C1orf87: variants seen among roughly 807,000 people sequenced by gnomAD.
C1orf87 encodes uncharacterized protein C1orf87.
Under a neutral mutation model 60.5 loss-of-function variants are expected in C1orf87, and 58 were observed. That is an observed-to-expected ratio of 0.96 (90% CI 0.78 to 1.19). The LOEUF is 1.19. Ranked by LOEUF, C1orf87 falls within the 50% of genes most tolerant of loss-of-function variation. C1orf87 has a pLI of 0.00. For synonymous variants in C1orf87, 236 were observed against 227.4 expected (o/e 1.04, Z -0.34); for missense variants, 673 against 638.6 (o/e 1.05, Z -0.58).
intron 2 of C1orf87, 122 bp from the exon 3 acceptor site, chr1:60,055,560 G>A: frequency 2.7e-6 from 2 of 747,692 alleles, no homozygotes; most frequent in Non-Finnish European, 4.4e-6. Flanking sequence ...AGTGGAATGT[G>A]GAAGCATAAA....
chr1:60,063,678 A>T (rs1365740274), intron 2 of C1orf87, among the ~76,000 whole-genome samples: 3 of 152,106 alleles, frequency 2.0e-5, no homozygotes, highest in African/African-American at 7.2e-5. Flanking sequence ...CTTTCATCAG[A>T]TATTTACATG....
chr1:60,041,110 G>A lies in C1orf87; in HGVS notation c.364C>T (p.His122Tyr). Residue 122 changes from histidine to tyrosine, a missense_variant, in exon 4 of 12, where the codon CAC (histidine) becomes TAC (tyrosine). By Grantham distance (83) the His-to-Tyr change is moderately conservative. Transcript: ENST00000371201. ...DGNIPSQANV[H>Y]CSSVPTGDQS... Reference sequence around the variant, plus strand: ...TCTCCGGTTGGTACAGAGCTGCAGTGGACATTTGCTTGACTGGGAATCTTA... The same window carrying A: ...TCTCCGGTTGGTACAGAGCTGCAGTAGACATTTGCTTGACTGGGAATCTTA... 1 of 1,586,384 alleles carries A rather than the reference G, an allele frequency of 6.3e-7. No homozygotes were observed. The highest frequency in any genetic ancestry group is 1.7e-4 in the Middle Eastern group (1 of 5,968).
At chr1:60,029,068 C>G (rs1488718577) in intron 7 of C1orf87, among the ~76,000 whole-genome samples, 2 of 152,184 alleles carry the variant, frequency 1.3e-5, no homozygotes, top group Admixed American at 6.5e-5. Flanking sequence ...GTGTTCAAAA[C>G]TGAACTCATC....
At chr1:60,054,579 A>T (rs1235424426) in intron 3 of C1orf87, among the ~76,000 whole-genome samples, 2 of 152,220 alleles carry the variant, frequency 1.3e-5, no homozygotes, top group African/African-American at 4.8e-5. Flanking sequence ...CAATTTCAGC[A>T]ATTTTGGAAA....
At chr1:60,016,330 A>G (rs1645124103) in intron 8 of C1orf87, among the ~76,000 whole-genome samples, 2 of 152,196 alleles carry the variant, frequency 1.3e-5, no homozygotes, top group African/African-American at 2.4e-5. Context: ...TGGATGTATT[A>G]GGTGCATATG....
At chr1:60,049,462 CT>C (rs1177149394) in intron 3 of C1orf87, among the ~76,000 whole-genome samples, 3 of 151,982 alleles carry the variant, frequency 2.0e-5, no homozygotes, top group African/African-American at 7.2e-5. Flanking sequence ...CCTTTTTCTT[CT>C]CTATTTTAAG....
chr1:60,065,949 G>C (rs888101869), intron 2 of C1orf87, among the ~76,000 whole-genome samples: 1 of 152,004 alleles, frequency 6.6e-6, no homozygotes, highest in Non-Finnish European at 1.5e-5. Flanking sequence ...TGGTTTCATG[G>C]TGCACATAAA....
chr1:60,028,320 G>C (rs1311927035), intron 7 of C1orf87, among the ~76,000 whole-genome samples: 1 of 152,182 alleles, frequency 6.6e-6, no homozygotes, highest in Non-Finnish European at 1.5e-5. Context: ...CAGCATATTA[G>C]AAATAGTACA....
chr1:60,064,706 C>T (rs2407792), intron 2 of C1orf87, among the ~76,000 whole-genome samples: 84,819 of 97,664 alleles, frequency 0.87, 36,888 homozygotes, highest in African/African-American at 0.92. Flanking sequence ...TATATTATTT[C>T]AATATATATA....
At chr1:60,015,623 G>T (rs1645119575) in intron 8 of C1orf87, among the ~76,000 whole-genome samples, 1 of 152,154 alleles carries the variant, frequency 6.6e-6, no homozygotes, top group Non-Finnish European at 1.5e-5. Context: ...TCTGTGCATG[G>T]TCTTTCCTCT....
At chr1:60,060,771 A>T (rs1042475699) in intron 2 of C1orf87, among the ~76,000 whole-genome samples, 3 of 152,172 alleles carry the variant, frequency 2.0e-5, no homozygotes, top group African/African-American at 7.2e-5. Context: ...GATTAAAAAA[A>T]AACAACCCAA....
At chr1:60,053,473 G>A (rs1445622251) in intron 3 of C1orf87, among the ~76,000 whole-genome samples, 1 of 152,116 alleles carries the variant, frequency 6.6e-6, no homozygotes, top group Non-Finnish European at 1.5e-5. Context: ...ATACTGCCTG[G>A]CACATAGTAA....
rs75344977 is a variant in C1orf87 at position 60,014,015 on chromosome 1, A to G, written c.1128-3559T>C. Among the ~76,000 whole-genome samples the G allele has an allele frequency of 6.0e-3, 912 of 152,226 alleles. 6 individuals carry two copies. Among genetic ancestry groups the G allele is most frequent in the African/African-American group, 0.02 (851 of 41,540 alleles). On this transcript the variant is annotated intron_variant, in intron 8 of 11. Coordinates refer to ENST00000371201, the MANE Select transcript of C1orf87 (RefSeq NM_152377.3). ...CTAACCTCTACAACTTTATTATCAG[A>G]TATTACCTTCATCAGATGCAAGCAC...
At chr1:60,048,560 T>C (rs2100308996) in intron 3 of C1orf87, among the ~76,000 whole-genome samples, 1 of 152,336 alleles carries the variant, frequency 6.6e-6, no homozygotes, top group African/African-American at 2.4e-5. Context: ...TTTTTACAAA[T>C]TGATTTTCTT....
intron 3 of C1orf87, 119 bp downstream of exon 3, chr1:60,055,085 A>C: frequency 2.1e-6 from 2 of 932,682 alleles, no homozygotes; most frequent in Non-Finnish European, 1.7e-6. Context: ...TCTTACTTCT[A>C]TCTCATGCAA....
At chr1:60,058,426 C>G (rs1179354301) in intron 2 of C1orf87, among the ~76,000 whole-genome samples, 5 of 151,958 alleles carry the variant, frequency 3.3e-5, no homozygotes, top group African/African-American at 1.2e-4. Context: ...ATGAAACATA[C>G]CCAGTTAGCA....
At position 60,038,004 on chromosome 1, in the gene C1orf87, G is replaced by T. The variant is rs762634657; in HGVS notation, c.851C>A (p.Thr284Asn). The T allele has an allele frequency of 1.2e-6, 2 of 1,607,970 alleles. No homozygotes were observed. The highest frequency in any genetic ancestry group is 1.7e-6 in the Non-Finnish European group (2 of 1,175,320). The change falls in exon 6 of 12, where the codon ACT becomes AAT. Residue 284 changes from threonine (T) to asparagine (N), a missense_variant. Thr to Asn is a moderately conservative substitution (Grantham distance 65, BLOSUM62 0). Coordinates refer to ENST00000371201, the MANE Select transcript of C1orf87 (RefSeq NM_152377.3). Reference protein sequence around the residue: ...ADLRKTESHGTHSQSTPPQHS... With the variant: ...ADLRKTESHGNHSQSTPPQHS... ...GGGAGAAGAGTACCTTTGGCTATGAGTGCCATGACTCTCAGTTTTTCTCAG... is the reference window on the plus strand; with the variant it reads ...GGGAGAAGAGTACCTTTGGCTATGATTGCCATGACTCTCAGTTTTTCTCAG...
chr1:60,043,592 G>T (rs1181115271), intron 3 of C1orf87, among the ~76,000 whole-genome samples: 1 of 151,972 alleles, frequency 6.6e-6, no homozygotes, highest in Non-Finnish European at 1.5e-5. Context: ...TCACCACGTT[G>T]GCCAGGATGG....
intron 2 of C1orf87, among the ~76,000 whole-genome samples, chr1:60,063,793 T>C (rs990250729): frequency 1.3e-5 from 2 of 152,138 alleles, no homozygotes; most frequent in Non-Finnish European, 2.9e-5. Flanking sequence ...AGCAGGTATA[T>C]GGGTTCCCTG....
Sources: allele counts gnomAD v4.1 joint callset (sites outside exome capture counted in the v4.1 genomes callset), GRCh38; gene constraint gnomAD v4.1.1; transcripts MANE v1.5; gene names NCBI Gene and HGNC (gene_info 2026-07-23, HGNC 2026-07-21).